The following TSPAN18 variants were observed in gnomAD, a reference collection of about 807,000 sequenced individuals.
TSPAN18 encodes the protein tetraspanin 18.
A neutral mutation model predicts 27.3 loss-of-function variants in TSPAN18; 14 were observed. That is an observed-to-expected ratio of 0.51 (90% CI 0.34 to 0.80). The LOEUF is 0.80. Among genes scored for constraint, TSPAN18 ranks in the 30% least tolerant of loss-of-function variants. The probability of loss-of-function intolerance (pLI) is 0.01; values close to 1 mark genes in which losing one functional copy is unlikely to be tolerated. For synonymous variants in TSPAN18, 143 were observed against 136.5 expected, an observed-to-expected ratio of 1.05 and a Z score of -0.33; for missense variants, 268 against 323.9, an observed-to-expected ratio of 0.83 and a Z score of 1.32.
At chr11:44,823,901 C>G (rs910140241) in intron 2 of TSPAN18, among the ~76,000 whole-genome samples, 17 of 152,060 alleles carry the variant, frequency 1.1e-4, no homozygotes, top group Non-Finnish European at 4.4e-5. Flanking sequence ...GAAAGAGGCC[C>G]CCCTCTCGGA....
At chr11:44,880,516 T>C (rs1049277226) in intron 3 of TSPAN18, among the ~76,000 whole-genome samples, 1 of 152,190 alleles carries the variant, frequency 6.6e-6, no homozygotes, top group Non-Finnish European at 1.5e-5. Flanking sequence ...ATGGGGCATA[T>C]TCACCCAGTG....
chr11:44,919,374 C>T, intron 7 of TSPAN18, 62 bp downstream of exon 7: 2 of 1,370,790 alleles, frequency 1.5e-6, no homozygotes, highest in Non-Finnish European at 1.0e-6. Flanking sequence ...GTTCACATGC[C>T]CACGCCAGGC....
intron 3 of TSPAN18, among the ~76,000 whole-genome samples, chr11:44,877,034 T>A (rs835836): frequency 0.13 from 19,926 of 152,254 alleles, 1,482 homozygotes; most frequent in Non-Finnish European, 0.17. Flanking sequence ...CTTCTCCGCC[T>A]CTGAGGAAAG....
chr11:44,917,971 G>T lies in TSPAN18; in HGVS notation c.259-1G>T, dbSNP rs1219959294. On this transcript the variant is annotated splice_acceptor_variant, in intron 5 of 9. Transcript: ENST00000520358. LOFTEE classifies it high-confidence loss of function. Reference sequence around the variant, plus strand: ...TCACAAGGCTGTTCCTCTCCCTGCAGTTCTTCCTGTTCATCCTGATCATCT... The same window carrying T: ...TCACAAGGCTGTTCCTCTCCCTGCATTTCTTCCTGTTCATCCTGATCATCT... The T allele has an allele frequency of 6.2e-7, 1 of 1,614,062 alleles. No homozygotes were observed. The highest frequency in any genetic ancestry group is 1.1e-5 in the South Asian group (1 of 91,086).
intron 3 of TSPAN18, among the ~76,000 whole-genome samples, chr11:44,868,752 G>A (rs1590606976): frequency 6.6e-6 from 1 of 152,186 alleles, no homozygotes; most frequent in Admixed American, 6.5e-5. Flanking sequence ...GGGCAGAACC[G>A]GAGAGGGGGA....
intron 3 of TSPAN18, among the ~76,000 whole-genome samples, chr11:44,904,689 G>A (rs998641960): frequency 4.6e-5 from 7 of 152,232 alleles, no homozygotes; most frequent in Non-Finnish European, 2.9e-5. Flanking sequence ...TGTCATCACT[G>A]ATTAGGAGAG....
rs549832521 is a variant in TSPAN18 at position 44,749,882 on chromosome 11, C to T, written c.-239-14544C>T. On this transcript the variant is annotated intron_variant, in intron 1 of 9. Coordinates refer to ENST00000520358, the MANE Select transcript of TSPAN18 (RefSeq NM_130783.5). ...CCATCTCCTGACCTCGTGATCCACCCGCCTTGGCCTCCCAAAGTGCTGGGA... is the reference window on the plus strand; with the variant it reads ...CCATCTCCTGACCTCGTGATCCACCTGCCTTGGCCTCCCAAAGTGCTGGGA... Among the ~76,000 whole-genome samples the T allele has an allele frequency of 1.1e-4, 17 of 152,262 alleles. No individual in the cohort carries two copies. The East Asian group carries it at 1.7e-3, about 16-fold the overall frequency.
chr11:44,921,387 A>G (rs1006527516), intron 8 of TSPAN18, among the ~76,000 whole-genome samples: 6 of 151,988 alleles, frequency 3.9e-5, no homozygotes, highest in Admixed American at 3.3e-4. Context: ...CCCACGATCC[A>G]TTCACCCCTA....
chr11:44,878,371 C>T (rs1404937834), intron 3 of TSPAN18, among the ~76,000 whole-genome samples: 1 of 152,192 alleles, frequency 6.6e-6, no homozygotes, highest in African/African-American at 2.4e-5. Flanking sequence ...GATCCAGCGT[C>T]TCCATCCCGG....
At chr11:44,842,822 A>G (rs1387029900) in intron 2 of TSPAN18, among the ~76,000 whole-genome samples, 1 of 152,180 alleles carries the variant, frequency 6.6e-6, no homozygotes, top group Non-Finnish European at 1.5e-5. Flanking sequence ...TTTATGCACC[A>G]AGTTACCATC....
At chr11:44,848,853 C>G (rs180731846) in intron 2 of TSPAN18, among the ~76,000 whole-genome samples, 1 of 152,182 alleles carries the variant, frequency 6.6e-6, no homozygotes, top group Admixed American at 6.5e-5. Context: ...GGGCTCCCCC[C>G]ACCCCCCTGG....
intron 1 of TSPAN18, among the ~76,000 whole-genome samples, chr11:44,760,649 T>C (rs1288554673): frequency 6.6e-6 from 1 of 152,176 alleles, no homozygotes; most frequent in African/African-American, 2.4e-5. Flanking sequence ...TTCTTGTAAA[T>C]TGAGAGCTCC....
intron 2 of TSPAN18, among the ~76,000 whole-genome samples, chr11:44,773,110 T>C (rs1855726211): frequency 6.6e-6 from 1 of 152,102 alleles, no homozygotes; most frequent in African/African-American, 2.4e-5. Flanking sequence ...ATTTGAAGCT[T>C]ACATACACAT....
At chr11:44,771,881 G>A (rs187530497) in intron 2 of TSPAN18, among the ~76,000 whole-genome samples, 1 of 152,206 alleles carries the variant, frequency 6.6e-6, no homozygotes, top group African/African-American at 2.4e-5. Flanking sequence ...GGATACCTCC[G>A]TGGATTCTAA....
chr11:44,744,878 G>A lies in TSPAN18; in HGVS notation c.-240+17591G>A, dbSNP rs146730820. Among the ~76,000 whole-genome samples, 67 of 152,310 alleles carry A rather than the reference G, an allele frequency of 4.4e-4. No individual in the cohort carries two copies. In the East Asian group the frequency reaches 0.01, roughly 24 times the overall value. On this transcript the variant is annotated intron_variant, in intron 1 of 9. Coordinates refer to ENST00000520358, the MANE Select transcript of TSPAN18 (RefSeq NM_130783.5). Reference sequence around the variant, plus strand: ...TTCATCGCAAATGCCAACGCTGATCGATTTGTAGGGCCTGCCTGAGTGCAG... The same window carrying A: ...TTCATCGCAAATGCCAACGCTGATCAATTTGTAGGGCCTGCCTGAGTGCAG...
chr11:44,895,524 C>T (rs1371857898), intron 3 of TSPAN18, among the ~76,000 whole-genome samples: 1 of 152,172 alleles, frequency 6.6e-6, no homozygotes, highest in Non-Finnish European at 1.5e-5. Flanking sequence ...TGTCCTCTTC[C>T]AGGACAAATG....
Position 44,917,987 on chromosome 11 carries a change from C to G in TSPAN18, c.274C>G (p.Leu92Val). ...CTCCCTGCAGTTCTTCCTGTTCATC[C>G]TGATCATCTTCCTGGCAGAGCTCTC... is the stretch of plus-strand genomic sequence containing the variant. ...CLLLFFFLFILIIFLAELSAA... is the reference protein window; with the variant it reads ...CLLLFFFLFIVIIFLAELSAA... Residue 92 changes from leucine to valine, a missense_variant, in exon 6 of 10, where the codon CTG becomes GTG. Physicochemically the swap from Leu to Val is conservative, Grantham distance 32 (BLOSUM62 1). Transcript: ENST00000520358. The G allele has an allele frequency of 8.7e-6, 14 of 1,614,150 alleles. No individual in the cohort carries two copies. The highest frequency in any genetic ancestry group is 1.2e-5 in the Non-Finnish European group (14 of 1,180,022).
chr11:44,833,201 C>T (rs2135148173), intron 2 of TSPAN18, among the ~76,000 whole-genome samples: 1 of 152,232 alleles, frequency 6.6e-6, no homozygotes, highest in East Asian at 1.9e-4. Flanking sequence ...ACACGTGAAC[C>T]TGGGTTCAAA....
intron 2 of TSPAN18, among the ~76,000 whole-genome samples, chr11:44,831,457 A>C (rs1030683511): frequency 6.6e-6 from 1 of 152,196 alleles, no homozygotes; most frequent in Non-Finnish European, 1.5e-5. Context: ...TCCCTCACCT[A>C]GGCCCTCACA....
Sources: gnomAD v4.1 joint callset for allele counts (sites outside exome capture counted in the v4.1 genomes callset) on GRCh38, gnomAD v4.1.1 for gene constraint, MANE v1.5 for transcripts, NCBI Gene and HGNC (gene_info 2026-07-23, HGNC 2026-07-21) for gene names.